Variants in ERG observed in about 807,000 individuals in gnomAD.
The protein encoded by ERG is transcriptional regulator ERG.
A neutral mutation model predicts 55.3 loss-of-function variants in ERG; 9 were observed. That is an observed-to-expected ratio of 0.16 (90% CI 0.10 to 0.28). The LOEUF is 0.28. Among genes scored for constraint, ERG ranks in the 10% least tolerant of loss-of-function variants. The probability of loss-of-function intolerance (pLI) is 1.00; values close to 1 mark genes in which losing one functional copy is unlikely to be tolerated. For synonymous variants in ERG, 223 were observed against 237.3 expected (o/e 0.94, Z 0.55); for missense variants, 434 against 631.6 (o/e 0.69, Z 3.35).
intron 1 of ERG, among the ~76,000 whole-genome samples, chr21:38,455,557 A>T (rs1036660473): frequency 6.6e-6 from 1 of 152,190 alleles, no homozygotes; most frequent in Non-Finnish European, 1.5e-5. Flanking sequence ...ACAAAGGCTA[A>T]AAATACAGTG....
intron 2 of ERG, among the ~76,000 whole-genome samples, chr21:38,432,779 G>A (rs1268625519): frequency 6.6e-6 from 1 of 152,096 alleles, no homozygotes; most frequent in African/African-American, 2.4e-5. Flanking sequence ...GGAAGAATTG[G>A]GATTTGAACC....
At chr21:38,531,689 G>T (rs1202333678) in intron 2 of ERG, among the ~76,000 whole-genome samples, 2 of 152,196 alleles carry the variant, frequency 1.3e-5, no homozygotes, top group Non-Finnish European at 2.9e-5. Context: ...TCTTTTAGAA[G>T]CTGCAAATTT....
At chr21:38,612,882 C>T (rs1043387207) in intron 1 of ERG, among the ~76,000 whole-genome samples, 4 of 152,018 alleles carry the variant, frequency 2.6e-5, no homozygotes, top group Admixed American at 6.5e-5. Context: ...AGAATGGTCT[C>T]GATCTCCTGA....
chr21:38,612,722 G>A (rs1056928389), intron 1 of ERG, among the ~76,000 whole-genome samples: 1 of 149,882 alleles, frequency 6.7e-6, no homozygotes, highest in Non-Finnish European at 1.5e-5. Context: ...GGAGTGCAGT[G>A]GTGCAATCTC....
At chr21:38,588,038 T>C (rs1380895976), upstream of ERG, among the ~76,000 whole-genome samples, 8 of 152,226 alleles carry the variant, frequency 5.3e-5, no homozygotes, top group East Asian at 1.5e-3. Flanking sequence ...ACGTAAATTA[T>C]GTGTAACACA....
the ERG span, among the ~76,000 whole-genome samples, chr21:38,369,433 T>C: frequency 6.6e-6 from 1 of 152,236 alleles, no homozygotes; most frequent in South Asian, 2.1e-4. Context: ...AAAGTGTCTG[T>C]TCATGACCTT....
chr21:38,595,144 A>G (rs114131900), intron 1 of ERG, among the ~76,000 whole-genome samples: 1,928 of 152,194 alleles, frequency 0.013, 39 homozygotes, highest in African/African-American at 0.044. Flanking sequence ...CTTTTAGGCT[A>G]GGAAGTCCGA....
At chr21:38,384,262 T>A (rs947932343) in intron 9 of ERG, among the ~76,000 whole-genome samples, 7 of 152,200 alleles carry the variant, frequency 4.6e-5, no homozygotes, top group African/African-American at 1.4e-4. Context: ...TCCCGTGGGA[T>A]TGGGCTGAAA....
intron 2 of ERG, among the ~76,000 whole-genome samples, chr21:38,504,174 T>C (rs1408663200): frequency 6.6e-6 from 1 of 152,214 alleles, no homozygotes; most frequent in Non-Finnish European, 1.5e-5. Context: ...TCTGAACTAA[T>C]AGAAACCAAG....
chr21:38,431,865 G>A (rs745575539), intron 2 of ERG, among the ~76,000 whole-genome samples: 16 of 152,192 alleles, frequency 1.1e-4, no homozygotes, highest in Non-Finnish European at 2.1e-4. Context: ...TGGTGGCAGA[G>A]CAGGACGCTC....
At chr21:38,649,800 G>A (rs568507542) in intron 1 of ERG, among the ~76,000 whole-genome samples, 4 of 152,300 alleles carry the variant, frequency 2.6e-5, no homozygotes, top group South Asian at 4.1e-4. Flanking sequence ...CATTGCCTAC[G>A]TTTGAAAGCT....
chr21:38,508,066 C>T (rs1601159189), intron 2 of ERG, among the ~76,000 whole-genome samples: 1 of 24,438 alleles, frequency 4.1e-5, no homozygotes, highest in African/African-American at 1.5e-4. Context: ...CACATATACA[C>T]ACATGCACAC....
chr21:38,647,132 C>T (rs952863035), intron 1 of ERG, among the ~76,000 whole-genome samples: 8 of 152,172 alleles, frequency 5.3e-5, no homozygotes, highest in African/African-American at 1.9e-4. Context: ...GGTGCTTGAA[C>T]AATACAAAGG....
At chr21:38,532,915 A>G (rs914956506) in intron 2 of ERG, among the ~76,000 whole-genome samples, 2 of 152,186 alleles carry the variant, frequency 1.3e-5, no homozygotes, top group Non-Finnish European at 2.9e-5. Flanking sequence ...TCAGTTCTCA[A>G]CCGATTTTAG....
In ERG at chr21:38,383,285, C is replaced by A; in HGVS notation, c.*118G>T. 1 of 1,336,360 alleles carries A rather than the reference C, an allele frequency of 7.5e-7. No individual in the cohort carries two copies. 82.8% of individuals were successfully genotyped at this position (1,336,360 alleles called of 1,614,324 possible). On this transcript the variant is annotated 3_prime_UTR_variant, in exon 10 of 10. Coordinates refer to ENST00000288319, the MANE Select transcript of ERG (RefSeq NM_182918.4). The surrounding 1 kb of genome is among the most constrained non-coding windows in gnomAD (Gnocchi z 5.7). The stretch of plus-strand genomic sequence containing the variant: ...GGATCTCTTCCCCGGCTTCCTTCCC[C>A]AGCCCCAGTAAAGCTTTTTTCATTC...
chr21:38,630,759 C>T (rs2060351985), intron 1 of ERG, among the ~76,000 whole-genome samples: 1 of 152,150 alleles, frequency 6.6e-6, no homozygotes, highest in Admixed American at 6.5e-5. Context: ...TTTATGTTTT[C>T]CTAGGATCAC....
intron 3 of ERG, among the ~76,000 whole-genome samples, chr21:38,411,560 G>A (rs534826122): frequency 5.9e-5 from 9 of 152,228 alleles, no homozygotes; most frequent in South Asian, 2.1e-4. Context: ...CACCCACCTC[G>A]GCCTCCCAAA....
chr21:38,482,927 C>T (rs542159126), intron 1 of ERG, among the ~76,000 whole-genome samples: 138 of 152,268 alleles, frequency 9.1e-4, no homozygotes, highest in African/African-American at 3.2e-3. Context: ...ATCCACCTAC[C>T]GTGGCCTCAC....
intron 1 of ERG, among the ~76,000 whole-genome samples, chr21:38,642,174 A>C (rs2060429209): frequency 6.6e-6 from 1 of 152,264 alleles, no homozygotes; most frequent in Non-Finnish European, 1.5e-5. Context: ...TAAGTGAACA[A>C]AACAGGTGCC....
Sources: allele counts gnomAD v4.1 joint callset (sites outside exome capture counted in the v4.1 genomes callset), GRCh38; gene constraint gnomAD v4.1.1; non-coding constraint Gnocchi (gnomAD v3.1); transcripts MANE v1.5; gene names NCBI Gene and HGNC (gene_info 2026-07-23, HGNC 2026-07-21).